The following TSGA10 variants were observed in gnomAD, a reference collection of about 807,000 sequenced individuals.
TSGA10 encodes testis specific 10.
Under a neutral mutation model 96.6 loss-of-function variants are expected in TSGA10, and 43 were observed. The observed-to-expected ratio is 0.44, with a 90% CI of 0.35 to 0.57. The LOEUF (loss-of-function observed/expected upper bound fraction) is 0.57, where lower values mean the gene tolerates loss of function less well. TSGA10 is among the 20% of genes least tolerant of loss of function. The pLI, the probability that TSGA10 is intolerant of heterozygous loss-of-function variation, is 0.01. For missense variants in TSGA10, 703 were observed against 834.4 expected (o/e 0.84, Z 1.94); for synonymous variants, 229 against 269.9 (o/e 0.85, Z 1.48).
chr2:99,016,279 T>TA (rs2079509572), intron 20 of TSGA10, among the ~76,000 whole-genome samples: 1 of 152,174 alleles, frequency 6.6e-6, no homozygotes, highest in African/African-American at 2.4e-5. Context: ...AACAGCATGG[T>TA]ACTGATATAA....
At chr2:98,998,848 T>A (rs1194276500) in intron 20 of TSGA10, among the ~76,000 whole-genome samples, 1 of 152,190 alleles carries the variant, frequency 6.6e-6, no homozygotes, top group Non-Finnish European at 1.5e-5. Flanking sequence ...GGACTGTCTG[T>A]GGTATTTTTG....
At chr2:99,127,528 A>G (rs2104998471) in intron 1 of TSGA10, among the ~76,000 whole-genome samples, 1 of 152,320 alleles carries the variant, frequency 6.6e-6, no homozygotes, top group South Asian at 2.1e-4. Flanking sequence ...ACTCTATACA[A>G]GAAAAAAGGT....
At chr2:99,008,792 G>T (rs878960861) in intron 20 of TSGA10, among the ~76,000 whole-genome samples, 1 of 152,162 alleles carries the variant, frequency 6.6e-6, no homozygotes, top group African/African-American at 2.4e-5. Context: ...TAGGAGGTGG[G>T]TTGCATAACT....
intron 4 of TSGA10, among the ~76,000 whole-genome samples, chr2:99,112,252 T>C (rs1423848691): frequency 3.3e-5 from 5 of 152,120 alleles, no homozygotes. Context: ...CCTCATGTAG[T>C]ATATATTCTA....
intron 10 of TSGA10, among the ~76,000 whole-genome samples, chr2:99,096,380 C>T (rs1037679556): frequency 6.6e-6 from 1 of 152,182 alleles, no homozygotes; most frequent in Non-Finnish European, 1.5e-5. Context: ...TGAAACATCT[C>T]GGAGAGTTCT....
intron 16 of TSGA10, among the ~76,000 whole-genome samples, chr2:99,038,002 T>G (rs1300585819): frequency 6.6e-6 from 1 of 152,044 alleles, no homozygotes; most frequent in African/African-American, 2.4e-5. Flanking sequence ...GGGTCCTATC[T>G]TTTACCTCCT....
chr2:99,150,819 G>A, intron 1 of TSGA10: 1 of 1,589,074 alleles, frequency 6.3e-7, no homozygotes, highest in Non-Finnish European at 8.5e-7. Flanking sequence ...GACTAGAAAT[G>A]ACAGATGTGG....
intron 1 of TSGA10, among the ~76,000 whole-genome samples, chr2:99,131,973 G>A (rs568510496): frequency 3.9e-5 from 6 of 152,154 alleles, no homozygotes; most frequent in South Asian, 2.1e-4. Flanking sequence ...GGATGAAGCC[G>A]ACTTGATCAT....
intron 1 of TSGA10, among the ~76,000 whole-genome samples, chr2:99,149,785 C>CTTT (rs70940143): frequency 2.7e-5 from 3 of 112,452 alleles, no homozygotes; most frequent in Admixed American, 1.0e-4. Context: ...TCACAAGTAT[C>CTTT]TTTTTTTTTT....
intron 6 of TSGA10, 67 bp downstream of exon 6, chr2:99,109,322 A>G (rs2091620886): frequency 1.3e-6 from 2 of 1,509,558 alleles, no homozygotes; most frequent in Non-Finnish European, 1.8e-6. Context: ...AAATTAGGTA[A>G]AACAAAGAAT....
chr2:99,121,152 A>G (rs952588676), intron 2 of TSGA10, among the ~76,000 whole-genome samples: 3 of 152,188 alleles, frequency 2.0e-5, no homozygotes, highest in African/African-American at 4.8e-5. Flanking sequence ...TTGAGTAGAT[A>G]TAAGTTTTCC....
chr2:98,998,173 G>A lies in TSGA10; in HGVS notation c.*24C>T. On this transcript the variant is annotated 3_prime_UTR_variant, in exon 21 of 21. Transcript: ENST00000393483. ...AGTTTGTAACTTTGACCTTTCTCAG[G>A]GATGTGAAGAATCATTTCAGGTGTC... 6.3e-7 allele frequency: 1 copy of A among 1,592,278 alleles called. No homozygotes were observed. The highest frequency in any genetic ancestry group is 8.5e-7 in the Non-Finnish European group (1 of 1,172,368).
chr2:99,060,720 G>A (rs1428180294), intron 16 of TSGA10, among the ~76,000 whole-genome samples: 1 of 152,110 alleles, frequency 6.6e-6, no homozygotes, highest in Non-Finnish European at 1.5e-5. Flanking sequence ...TCAAGTCACT[G>A]GGTTACTGGC....
At chr2:99,063,732 G>T (rs1321750321) in intron 16 of TSGA10, among the ~76,000 whole-genome samples, 1 of 149,944 alleles carries the variant, frequency 6.7e-6, no homozygotes, top group Non-Finnish European at 1.5e-5. Context: ...CTTGAATCTG[G>T]AAAGCGGAGG....
At chr2:99,139,274 A>G (rs1039506648) in intron 1 of TSGA10, among the ~76,000 whole-genome samples, 5 of 152,108 alleles carry the variant, frequency 3.3e-5, no homozygotes, top group Non-Finnish European at 5.9e-5. Flanking sequence ...AAAAAAAGGT[A>G]AGTGTCATGG....
At chr2:99,100,497 G>C (rs1229049086) in intron 10 of TSGA10, among the ~76,000 whole-genome samples, 1 of 152,112 alleles carries the variant, frequency 6.6e-6, no homozygotes, top group Non-Finnish European at 1.5e-5. Flanking sequence ...AACAAAACTT[G>C]ACCACTGCCT....
At chr2:99,039,199 A>G (rs2081958149) in intron 16 of TSGA10, among the ~76,000 whole-genome samples, 1 of 152,022 alleles carries the variant, frequency 6.6e-6, no homozygotes, top group Non-Finnish European at 1.5e-5. Flanking sequence ...GAAAGAGCAC[A>G]ATCTAAGGTC....
rs535336810 is a variant in TSGA10, at chr2:99,072,944, T to C, written c.938+74A>G. ...CACGTATCATTAAGCCCCTTGTTTC[T>C]TACTATCTTTGTACCTAACATGGTA... On this transcript the variant is annotated intron_variant, in intron 13 of 20. Coordinates refer to ENST00000393483, the MANE Select transcript of TSGA10 (RefSeq NM_025244.4). 2.9e-6 allele frequency: 3 copies of C among 1,043,946 alleles called. No individual in the cohort carries two copies. In the South Asian group the frequency reaches 4.2e-5, roughly 15 times the overall value. The allele number at this position is 1,043,946 out of a possible 1,614,324, so 64.7% of individuals were successfully genotyped here.
At chr2:99,026,062 T>G (rs1239667529) in intron 17 of TSGA10, among the ~76,000 whole-genome samples, 1 of 152,222 alleles carries the variant, frequency 6.6e-6, no homozygotes, top group Non-Finnish European at 1.5e-5. Flanking sequence ...TATTCTACTG[T>G]TTTTGGAAGA....
Sources: allele counts gnomAD v4.1 joint callset (sites outside exome capture counted in the v4.1 genomes callset), GRCh38; gene constraint gnomAD v4.1.1; transcripts MANE v1.5; gene names NCBI Gene and HGNC (gene_info 2026-07-23, HGNC 2026-07-21).